BBS9: variants seen among roughly 807,000 people sequenced by gnomAD.
The protein encoded by BBS9 is protein PTHB1.
A neutral mutation model predicts 117.7 loss-of-function variants in BBS9; 89 were observed. The observed-to-expected ratio is 0.76, with a 90% CI of 0.64 to 0.90. The LOEUF (loss-of-function observed/expected upper bound fraction) is 0.90, where lower values mean the gene tolerates loss of function less well. Ranked by LOEUF, BBS9 falls within the 40% of genes least tolerant of loss-of-function variation. The probability of loss-of-function intolerance (pLI) is 0.00; values close to 1 mark genes in which losing one functional copy is unlikely to be tolerated. For missense variants in BBS9, 982 were observed against 1,042.2 expected (o/e 0.94, Z 0.80); for synonymous variants, 379 against 370.9 (o/e 1.02, Z -0.25).
At chr7:33,141,034 C>A (rs1220359381) in intron 1 of BBS9, among the ~76,000 whole-genome samples, 1 of 151,956 alleles carries the variant, frequency 6.6e-6, no homozygotes, top group African/African-American at 2.4e-5. Context: ...TAATGGTTTC[C>A]CAATGAAAAC....
rs546087932 is a variant in BBS9 at position 33,386,978 on chromosome 7, T to A, written c.1963-1014T>A. ...TGTTAATATATAGGTTTCTTTTTTT[T>A]AAATAAAAAATAATGGTAGCACATT... On this transcript the variant is annotated intron_variant, in intron 18 of 22. Coordinates refer to ENST00000242067, the MANE Select transcript of BBS9 (RefSeq NM_198428.3). Among the ~76,000 whole-genome samples, 27 of 152,244 alleles carry A rather than the reference T, an allele frequency of 1.8e-4. No homozygotes were observed. In the South Asian group the frequency reaches 4.1e-3, roughly 23 times the overall value.
At chr7:33,188,560 C>G (rs1358243918) in intron 5 of BBS9, among the ~76,000 whole-genome samples, 1 of 152,012 alleles carries the variant, frequency 6.6e-6, no homozygotes, top group African/African-American at 2.4e-5. Context: ...AGAAGAGGAA[C>G]TAGCACAGAG....
At chr7:33,343,468 T>A (rs1399591258) in intron 11 of BBS9, among the ~76,000 whole-genome samples, 1 of 152,012 alleles carries the variant, frequency 6.6e-6, no homozygotes, top group Non-Finnish European at 1.5e-5. Flanking sequence ...AAAAAAAAGT[T>A]TCCCTTCCCT....
intron 9 of BBS9, among the ~76,000 whole-genome samples, chr7:33,327,230 G>A (rs1025626145): frequency 3.9e-5 from 6 of 152,178 alleles, no homozygotes; most frequent in African/African-American, 1.4e-4. Flanking sequence ...AACATATTAT[G>A]TAGGGCCTTG....
chr7:33,177,419 C>T (rs1484064669), intron 4 of BBS9, 59 bp from the exon 5 acceptor site: 2 of 1,154,572 alleles, frequency 1.7e-6, no homozygotes, highest in African/African-American at 3.0e-5. Context: ...TGGATGAGAA[C>T]AAATTAATGT....
intron 21 of BBS9, among the ~76,000 whole-genome samples, chr7:33,613,648 G>C (rs73092743): frequency 6.6e-6 from 1 of 151,778 alleles, no homozygotes; most frequent in East Asian, 1.9e-4. Context: ...TTTGATCCTC[G>C]CAACAACCTC....
intron 4 of BBS9, among the ~76,000 whole-genome samples, chr7:33,173,123 A>G (rs868126547): frequency 6.6e-6 from 1 of 152,200 alleles, no homozygotes; most frequent in South Asian, 2.1e-4. Context: ...GGAGCCCATT[A>G]AGGAATAGGG....
intron 9 of BBS9, among the ~76,000 whole-genome samples, chr7:33,310,369 C>T (rs1562973726): frequency 6.6e-6 from 1 of 152,034 alleles, no homozygotes; most frequent in Non-Finnish European, 1.5e-5. Context: ...AAAAAACACA[C>T]TTGTTGGAAA....
chr7:33,575,761 T>A (rs1858722778), intron 21 of BBS9, among the ~76,000 whole-genome samples: 1 of 152,058 alleles, frequency 6.6e-6, no homozygotes, highest in Non-Finnish European at 1.5e-5. Context: ...CATACACAAA[T>A]CAATAAACAT....
At chr7:33,358,843 G>T (rs1051517494) in intron 16 of BBS9, among the ~76,000 whole-genome samples, 2 of 151,770 alleles carry the variant, frequency 1.3e-5, no homozygotes, top group Non-Finnish European at 2.9e-5. Flanking sequence ...TTCTCACAAG[G>T]TTTAGAAATT....
At chr7:33,131,734 T>C (rs990865055) in intron 1 of BBS9, among the ~76,000 whole-genome samples, 7 of 152,140 alleles carry the variant, frequency 4.6e-5, no homozygotes, top group African/African-American at 1.4e-4. Context: ...AAGACCAGCC[T>C]GGGCAACATA....
At chr7:33,483,540 C>A (rs367767719) in intron 19 of BBS9, among the ~76,000 whole-genome samples, 19 of 152,046 alleles carry the variant, frequency 1.2e-4, no homozygotes, top group African/African-American at 4.3e-4. Context: ...CCATCAAGGT[C>A]ATATCTAGGA....
At chr7:33,224,842 A>G (rs1354336589) in intron 5 of BBS9, among the ~76,000 whole-genome samples, 1 of 152,146 alleles carries the variant, frequency 6.6e-6, no homozygotes, top group East Asian at 1.9e-4. Context: ...GAGGAGGCAC[A>G]TGCTCCCTGG....
chr7:33,394,119 G>A (rs1827543298), intron 19 of BBS9, among the ~76,000 whole-genome samples: 1 of 152,182 alleles, frequency 6.6e-6, no homozygotes, highest in South Asian at 2.1e-4. Context: ...TCTGGGAAAA[G>A]CAGAGCATGA....
chr7:33,527,297 C>T (rs1205476372), intron 20 of BBS9, among the ~76,000 whole-genome samples: 1 of 152,196 alleles, frequency 6.6e-6, no homozygotes, highest in Admixed American at 6.5e-5. Flanking sequence ...TTCCTGGCTG[C>T]TTTGTTTACC....
intron 5 of BBS9, among the ~76,000 whole-genome samples, chr7:33,203,362 C>T (rs1014204628): frequency 6.6e-6 from 1 of 152,094 alleles, no homozygotes; most frequent in Non-Finnish European, 1.5e-5. Context: ...GCATGAGGCC[C>T]CAGAGTTAGC....
chr7:33,136,096 G>A (rs549622881), intron 1 of BBS9, among the ~76,000 whole-genome samples: 13 of 151,756 alleles, frequency 8.6e-5, no homozygotes, highest in African/African-American at 3.1e-4. Context: ...GCTAACTTAT[G>A]TATTTTACTC....
At chr7:33,602,677 C>T (rs952872641) in intron 21 of BBS9, among the ~76,000 whole-genome samples, 2 of 151,958 alleles carry the variant, frequency 1.3e-5, no homozygotes, top group Non-Finnish European at 1.5e-5. Context: ...TGCGGTGAGC[C>T]GAGTTCACGC....
rs59609414 is a variant in BBS9, at chr7:33,134,215, ATTTTTTTT to A, written c.-12+4188_-12+4195del. ...CAGGCACCTGCCATCACGCCTGGCTATTTTTTTTTTTTTTTTTTTTTGTATTTTTAGTG... is the reference window on the plus strand; with the variant it reads ...CAGGCACCTGCCATCACGCCTGGCTATTTTTTTTTTTTTGTATTTTTAGTG... On this transcript the variant is annotated intron_variant, in intron 1 of 22. Transcript: ENST00000242067. Among the ~76,000 whole-genome samples the A allele has an allele frequency of 6.9e-4, 81 of 118,050 alleles. 1 individual carries two copies. The highest frequency in any genetic ancestry group is 2.6e-3 in the African/African-American group (77 of 29,940). 77.4% of individuals were successfully genotyped at this position (118,050 alleles called of 152,430 possible).
Sources: allele counts gnomAD v4.1 joint callset (sites outside exome capture counted in the v4.1 genomes callset), GRCh38; gene constraint gnomAD v4.1.1; transcripts MANE v1.5; gene names NCBI Gene and HGNC (gene_info 2026-07-23, HGNC 2026-07-21).